SCN1A: variants seen among roughly 807,000 people sequenced by gnomAD.
SCN1A encodes the protein sodium voltage-gated channel alpha subunit 1.
A neutral mutation model predicts 193.7 loss-of-function variants in SCN1A; 13 were observed. The observed-to-expected ratio is 0.07, with a 90% CI of 0.04 to 0.11. SCN1A has a LOEUF of 0.11. Among genes scored for constraint, SCN1A ranks in the 10% least tolerant of loss-of-function variants. SCN1A has a pLI of 1.00. For missense variants in SCN1A, 1,432 were observed against 2,451.1 expected (o/e 0.58, Z 8.78); for synonymous variants, 781 against 843.6 (o/e 0.93, Z 1.29).
At position 166,041,266 on chromosome 2, in the gene SCN1A, C is replaced by T. The variant is rs1360811002; in HGVS notation, c.2380G>A (p.Asp794Asn). Residue 794 changes from aspartate (D) to asparagine (N), a missense_variant, in exon 16 of 29, where the codon GAC (aspartate) becomes AAC (asparagine). Coordinates refer to ENST00000674923, the MANE Select transcript of SCN1A (RefSeq NM_001165963.4). ...ACTGTAAGCACATTATTGAAATGGT[C>T]CGTCATTGGATAGTGCTCCATGGCC... ...FMAMEHYPMT[D>N]HFNNVLTVGN... 2 of 1,613,694 alleles carry T rather than the reference C, an allele frequency of 1.2e-6. No homozygotes were observed. The highest frequency in any genetic ancestry group is 1.7e-6 in the Non-Finnish European group (2 of 1,179,666).
In SCN1A at chr2:166,042,364, C is replaced by T; in HGVS notation, c.2104G>A (p.Asp702Asn). ...CTTTGGGAAGGATCTTCTAGAAAGT[C>T]CATGGAAACGTGGAAAGAACTTGAC... ...RRSSSFHVSM[D>N]FLEDPSQRQR... Residue 702 changes from aspartate to asparagine, a missense_variant, in exon 15 of 29, where the codon GAC (aspartate) becomes AAC (asparagine). By Grantham distance (23) the Asp-to-Asn change is conservative. Around this residue, in one of 18 missense-constraint regions of SCN1A, gnomAD observed 316 missense variants for 362.1 expected, o/e 0.87. Coordinates refer to ENST00000674923, the MANE Select transcript of SCN1A (RefSeq NM_001165963.4). 6.2e-7 allele frequency: 1 copy of T among 1,613,786 alleles called. No individual in the cohort carries two copies. The highest frequency in any genetic ancestry group is 1.3e-5 in the African/African-American group (1 of 75,014).
chr2:166,048,983 T>C (rs772861782), intron 9 of SCN1A, 34 bp from the exon 10 acceptor site: 1 of 1,356,810 alleles, frequency 7.4e-7, no homozygotes, highest in Non-Finnish European at 1.1e-6. Flanking sequence ...TGATGAACAT[T>C]TGCATTGTTA....
chr2:166,079,749 A>C (rs1161763142), intron 2 of SCN1A, among the ~76,000 whole-genome samples: 2 of 151,396 alleles, frequency 1.3e-5, no homozygotes, highest in Non-Finnish European at 3.0e-5. Context: ...AAAGTAGAAG[A>C]CATGAATTCT....
rs756535007 is a variant in SCN1A at position 166,012,224 on chromosome 2, G to A, written c.3764C>T (p.Ala1255Val). ...GAAAATGTAAGTGAAAACCTTGTCA[G>A]CATATTCCAACATCGTCTTAATCGT... Reference protein sequence around the residue: ...RKTIKTMLEYADKVFTYIFIL... With the variant: ...RKTIKTMLEYVDKVFTYIFIL... Residue 1255 changes from alanine to valine, a missense_variant, in exon 22 of 29, where the codon GCT becomes GTT. By Grantham distance (64) the Ala-to-Val change is moderately conservative. Transcript: ENST00000674923. The A allele has an allele frequency of 1.9e-6, 3 of 1,610,070 alleles. No individual in the cohort carries two copies. In the South Asian group the frequency reaches 3.3e-5, roughly 18 times the overall value.
chr2:166,103,068 G>GATATATATATATATAT (rs58394206), intron 2 of SCN1A, among the ~76,000 whole-genome samples: 2 of 149,026 alleles, frequency 1.3e-5, no homozygotes, highest in Non-Finnish European at 3.0e-5. Flanking sequence ...AGATTTGGGA[G>GATATATATATATATAT]ATATATATAT....
rs574978917 is a variant in SCN1A at position 166,051,471 on chromosome 2, T to C, written c.964+248A>G. Among the ~76,000 whole-genome samples the C allele has an allele frequency of 2.6e-5, 4 of 152,172 alleles. No homozygotes were observed. In the South Asian group the frequency reaches 8.3e-4, roughly 31 times the overall value. On this transcript the variant is annotated intron_variant, in intron 9 of 28. Coordinates refer to ENST00000674923, the MANE Select transcript of SCN1A (RefSeq NM_001165963.4). ...TAGCAATGAAAAGACCAAATATACA[T>C]GATAGTAATTCTTTTTTAGAGGGTG...
At chr2:165,999,986 A>G in intron 24 of SCN1A, 3 of 583,318 alleles carry the variant, frequency 5.1e-6, no homozygotes, top group Non-Finnish European at 9.2e-6. Context: ...CATTTGATAT[A>G]TCCTCCCCTT....
chr2:166,041,715 G>A (rs1380007402), intron 15 of SCN1A, among the ~76,000 whole-genome samples: 2 of 152,156 alleles, frequency 1.3e-5, no homozygotes, highest in African/African-American at 2.4e-5. Context: ...TTGTGGCTCA[G>A]CACTTGGCCT....
intron 7 of SCN1A, among the ~76,000 whole-genome samples, chr2:166,054,426 G>A (rs866756180): frequency 1.3e-5 from 2 of 151,934 alleles, no homozygotes; most frequent in Admixed American, 6.6e-5. Flanking sequence ...CTGATGCTAC[G>A]TGTGAAAATT....
rs1277925945 is a variant in SCN1A at position 166,048,880 on chromosome 2, A to G, written c.1028+6T>C. 5.7e-6 allele frequency: 9 copies of G among 1,569,838 alleles called. No individual in the cohort carries two copies. The highest frequency in any genetic ancestry group is 7.9e-6 in the Non-Finnish European group (9 of 1,140,304). On this transcript the variant is annotated splice_donor_region_variant and intron_variant, in intron 10 of 28. Transcript: ENST00000674923. ...ATACACAGATACACACAAATTATTG[A>G]CTTACCCTGCATCAGAGCTATTTCC...
intron 1 of SCN1A, among the ~76,000 whole-genome samples, chr2:166,145,133 G>A (rs1692260830): frequency 7.2e-6 from 1 of 139,144 alleles, no homozygotes; most frequent in East Asian, 2.1e-4. Context: ...ACTGCACCTG[G>A]CCTAAGTAAT....
At chr2:166,130,843 G>A (rs145230003), upstream of SCN1A, among the ~76,000 whole-genome samples, 2 of 152,248 alleles carry the variant, frequency 1.3e-5, no homozygotes, top group East Asian at 1.9e-4. Flanking sequence ...GTTTCAGACT[G>A]AGCATAAAGG....
At chr2:166,131,379 A>G (rs887193343), upstream of SCN1A, among the ~76,000 whole-genome samples, 8 of 143,866 alleles carry the variant, frequency 5.6e-5, no homozygotes, top group Middle Eastern at 3.4e-3. Context: ...TCTTTGTAAG[A>G]CTCCGTCTCT....
intron 19 of SCN1A, among the ~76,000 whole-genome samples, chr2:166,032,358 A>C (rs1441480019): frequency 6.6e-6 from 1 of 152,100 alleles, no homozygotes; most frequent in Non-Finnish European, 1.5e-5. Context: ...TAAAACAAAA[A>C]GAACCAAAAT....
chr2:166,025,513 C>T lies in SCN1A; in HGVS notation c.3430-9786G>A, dbSNP rs150561841. ...AGAGTTTGCCTGATTAGGTCAGGCCCACCCAGCATCATCCCCCTTTTTGTC... is the reference window on the plus strand; with the variant it reads ...AGAGTTTGCCTGATTAGGTCAGGCCTACCCAGCATCATCCCCCTTTTTGTC... On this transcript the variant is annotated intron_variant, in intron 19 of 28. Transcript: ENST00000674923. 1.6e-4 allele frequency among the ~76,000 whole-genome samples: 25 copies of T among 152,248 alleles called. No homozygotes were observed. The East Asian group carries it at 3.9e-3, about 24-fold the overall frequency.
intron 21 of SCN1A, among the ~76,000 whole-genome samples, chr2:166,012,612 C>CTTTTT (rs60890420): frequency 1.2e-3 from 95 of 77,212 alleles, no homozygotes; most frequent in Middle Eastern, 0.011. Flanking sequence ...CTTCTATTGG[C>CTTTTT]TTTTTTTTTT....
chr2:166,077,318 A>G (rs1685083627), intron 3 of SCN1A, among the ~76,000 whole-genome samples: 2 of 151,942 alleles, frequency 1.3e-5, no homozygotes, highest in South Asian at 4.1e-4. Flanking sequence ...CATGTCTGAT[A>G]AAGGACTGTT....
intron 2 of SCN1A, among the ~76,000 whole-genome samples, chr2:166,084,200 T>C (rs929327089): frequency 1.3e-5 from 2 of 150,728 alleles, no homozygotes; most frequent in African/African-American, 4.9e-5. Context: ...CTCCCAGCTC[T>C]CCTTTATTCT....
intron 2 of SCN1A, among the ~76,000 whole-genome samples, chr2:166,078,942 A>T (rs1428275656): frequency 3.3e-5 from 5 of 151,624 alleles, no homozygotes; most frequent in Non-Finnish European, 4.4e-5. Context: ...ATTTATGTTT[A>T]GTTTTATTAC....
Sources: allele counts gnomAD v4.1 joint callset (sites outside exome capture counted in the v4.1 genomes callset), GRCh38; gene constraint gnomAD v4.1.1; regional missense constraint gnomAD v4.1.1; transcripts MANE v1.5; gene names NCBI Gene and HGNC (gene_info 2026-07-23, HGNC 2026-07-21).